The following SSU72 variants were observed in gnomAD, a reference collection of about 807,000 sequenced individuals.
SSU72 encodes the protein RNA polymerase II subunit A C-terminal domain phosphatase SSU72.
A neutral mutation model predicts 22.7 loss-of-function variants in SSU72; 12 were observed. That is an observed-to-expected ratio of 0.53 (90% CI 0.34 to 0.86). The LOEUF is 0.86. Ranked by LOEUF, SSU72 falls within the 40% of genes least tolerant of loss-of-function variation. The pLI is 0.02. For synonymous variants in SSU72, 116 were observed against 98.3 expected (o/e 1.18, Z -1.06); for missense variants, 151 against 249.8 (o/e 0.60, Z 2.67).
At chr1:1,552,366 G>A (rs1465280036) in intron 2 of SSU72, among the ~76,000 whole-genome samples, 1 of 152,240 alleles carries the variant, frequency 6.6e-6, no homozygotes, top group Admixed American at 6.5e-5. Context: ...CCTCCTTAGG[G>A]ACCGGGAGGT....
chr1:1,551,365 A>G (rs1448310758), intron 2 of SSU72, among the ~76,000 whole-genome samples: 1 of 152,244 alleles, frequency 6.6e-6, no homozygotes, highest in Non-Finnish European at 1.5e-5. Context: ...AGAGGCTGCA[A>G]AGGGAACAGC....
intron 4 of SSU72, among the ~76,000 whole-genome samples, chr1:1,543,587 TCTCGGCCACTCCCCTCTGTCACGGC>T (rs1557493727): frequency 1.9e-5 from 2 of 106,982 alleles, no homozygotes; most frequent in African/African-American, 5.0e-5. Flanking sequence ...CGGCCTCAGG[TCTCGGCCACTCCCCTCTGTCACGGC>T]CTCGGCCACT....
At chr1:1,543,306 C>T (rs1416741916) in intron 4 of SSU72, among the ~76,000 whole-genome samples, 1 of 152,244 alleles carries the variant, frequency 6.6e-6, no homozygotes, top group Admixed American at 6.5e-5. Context: ...CCTCCGACTG[C>T]ACCGCATCCC....
At chr1:1,561,191 TCTC>T (rs1642587727) in intron 2 of SSU72, 1 of 152,196 alleles carries the variant, frequency 6.6e-6, no homozygotes, top group African/African-American at 2.4e-5. Flanking sequence ...TTCAAGCAAC[TCTC>T]CTGCCTCAGC....
chr1:1,556,843 G>A (rs1219870169), intron 2 of SSU72, among the ~76,000 whole-genome samples: 1 of 152,234 alleles, frequency 6.6e-6, no homozygotes, highest in Non-Finnish European at 1.5e-5. Context: ...ACCTCTTGAA[G>A]ACGAAGGCAC....
At chr1:1,550,524 CAG>C (rs1642443633) in intron 2 of SSU72, among the ~76,000 whole-genome samples, 1 of 152,232 alleles carries the variant, frequency 6.6e-6, no homozygotes, top group African/African-American at 2.4e-5. Flanking sequence ...TGCCAGCACT[CAG>C]AGAATCAGTG....
At position 1,556,923 on chromosome 1, in the gene SSU72, G is replaced by A. The variant is rs535277766; in HGVS notation, c.224+7850C>T. Among the ~76,000 whole-genome samples, 16 of 152,318 alleles carry A rather than the reference G, an allele frequency of 1.1e-4. No homozygotes were observed. In the South Asian group the frequency reaches 2.3e-3, roughly 22 times the overall value. On this transcript the variant is annotated intron_variant, in intron 2 of 4. Coordinates refer to ENST00000291386, the MANE Select transcript of SSU72 (RefSeq NM_014188.3). ...GCAACTACCTCAGCCAGTCAGCTCC[G>A]TTCTACCTCTGTCATCTCAGATGAG...
intron 2 of SSU72, among the ~76,000 whole-genome samples, chr1:1,557,830 C>T (rs1557500870): frequency 6.6e-6 from 1 of 152,096 alleles, no homozygotes; most frequent in East Asian, 1.9e-4. Flanking sequence ...TACTCTGAGA[C>T]AAGGAAATGT....
At chr1:1,559,045 G>C (rs1471645127) in intron 2 of SSU72, among the ~76,000 whole-genome samples, 2 of 152,248 alleles carry the variant, frequency 1.3e-5, no homozygotes, top group Non-Finnish European at 2.9e-5. Context: ...CTCTGCACGT[G>C]ACCCTGGGAG....
chr1:1,564,649 G>C, intron 2 of SSU72, 124 bp downstream of exon 2: 2 of 1,613,972 alleles, frequency 1.2e-6, no homozygotes, highest in Non-Finnish European at 1.7e-6. Context: ...CCAAGCTCTC[G>C]CAAAGACAGA....
At chr1:1,545,317 C>T in intron 2 of SSU72, 1 of 325,270 alleles carries the variant, frequency 3.1e-6, no homozygotes, top group African/African-American at 2.1e-5. Context: ...TCTCCCCTCA[C>T]TGCTGGCCCG....
In SSU72 at chr1:1,554,781, A is replaced by G. The variant is rs3753332; in HGVS notation, c.225-9779T>C. Among the ~76,000 whole-genome samples, 78,386 of 151,972 alleles carry G rather than the reference A, an allele frequency of 0.52. 24,539 individuals carry two copies. The highest frequency in any genetic ancestry group is 0.87 in the East Asian group (4,451 of 5,144). ...GCAGCACGCTGGCCACAGGCACTGG[A>G]GCCACGAAAGCAACAGCCCTGGGCA... On this transcript the variant is annotated intron_variant, in intron 2 of 4. Coordinates refer to ENST00000291386, the MANE Select transcript of SSU72 (RefSeq NM_014188.3). This position sits in a 1 kb window ranked among gnomAD's most constrained non-coding sequence, Gnocchi z 4.1.
At chr1:1,552,458 G>A (rs939874646) in intron 2 of SSU72, among the ~76,000 whole-genome samples, 5 of 152,192 alleles carry the variant, frequency 3.3e-5, no homozygotes, top group Non-Finnish European at 5.9e-5. Context: ...CAAATGATCC[G>A]GTGTGACTGA....
At chr1:1,547,101 G>A (rs979162702) in intron 2 of SSU72, among the ~76,000 whole-genome samples, 1 of 152,146 alleles carries the variant, frequency 6.6e-6, no homozygotes, top group Non-Finnish European at 1.5e-5. Flanking sequence ...AGAGGGGCAG[G>A]TGCAGGGACC....
At chr1:1,562,590 T>A (rs1642607699) in intron 2 of SSU72, 1 of 152,252 alleles carries the variant, frequency 6.6e-6, no homozygotes. Context: ...GAGGTGAAGA[T>A]GGGAAGACCC....
chr1:1,553,286 G>A (rs1254671573), intron 2 of SSU72, among the ~76,000 whole-genome samples: 2 of 151,656 alleles, frequency 1.3e-5, no homozygotes, highest in South Asian at 2.1e-4. Flanking sequence ...AGAACATAAG[G>A]GACTTCTTAT....
chr1:1,571,931 A>C (rs1215819629), intron 1 of SSU72, among the ~76,000 whole-genome samples: 1 of 151,228 alleles, frequency 6.6e-6, no homozygotes, highest in Non-Finnish European at 1.5e-5. Context: ...AGCAGCTGGG[A>C]CTACAGGCGC....
At chr1:1,551,401 C>T (rs1469443599) in intron 2 of SSU72, among the ~76,000 whole-genome samples, 2 of 152,246 alleles carry the variant, frequency 1.3e-5, no homozygotes, top group East Asian at 1.9e-4. Flanking sequence ...TGAGCAGGCA[C>T]GCTGGGCAGC....
rs371673021 is a variant in SSU72 at position 1,558,195 on chromosome 1, T to G, written c.224+6578A>C. On this transcript the variant is annotated intron_variant, in intron 2 of 4. Transcript: ENST00000291386. The stretch of plus-strand genomic sequence containing the variant: ...CAGCCTGGGCAACAGAGTGAGACTC[T>G]GTCTCAATTAAAAAAAAAAAAAAAA... Among the ~76,000 whole-genome samples, 824 of 100,596 alleles carry G rather than the reference T, an allele frequency of 8.2e-3. 11 individuals carry two copies. Among genetic ancestry groups the G allele is most frequent in the African/African-American group, 0.046 (780 of 17,100 alleles). 66.0% of individuals were successfully genotyped at this position (100,596 alleles called of 152,430 possible).
Sources: gnomAD v4.1 joint callset for allele counts (sites outside exome capture counted in the v4.1 genomes callset) on GRCh38, gnomAD v4.1.1 for gene constraint, Gnocchi (gnomAD v3.1) non-coding constraint, MANE v1.5 for transcripts, NCBI Gene and HGNC (gene_info 2026-07-23, HGNC 2026-07-21) for gene names.